CSMD3: variants seen among roughly 807,000 people sequenced by gnomAD.
The protein encoded by CSMD3 is CUB and sushi domain-containing protein 3.
CSMD3 carries 177 observed loss-of-function variants against 435.2 expected under a neutral mutation model. That is an observed-to-expected ratio of 0.41 (90% CI 0.36 to 0.46). The LOEUF (loss-of-function observed/expected upper bound fraction) is 0.46. Ranked by LOEUF, CSMD3 falls within the 20% of genes least tolerant of loss-of-function variation. The pLI is 0.34. For synonymous variants in CSMD3, 1,656 were observed against 1,520.5 expected (o/e 1.09, Z -2.07); for missense variants, 4,265 against 4,504.6 (o/e 0.95, Z 1.52).
At chr8:112,553,116 A>T (rs1586668862) in intron 25 of CSMD3, among the ~76,000 whole-genome samples, 2 of 152,184 alleles carry the variant, frequency 1.3e-5, no homozygotes, top group East Asian at 3.9e-4. Flanking sequence ...CTTTGAGAAA[A>T]ACTAATCTTT....
chr8:113,108,718 AT>A (rs2090554491), intron 4 of CSMD3, among the ~76,000 whole-genome samples: 1 of 152,308 alleles, frequency 6.6e-6, no homozygotes, highest in South Asian at 2.1e-4. Context: ...TTAAAATACC[AT>A]TTTTAATATA....
At chr8:112,360,358 C>T (rs1827067667) in intron 38 of CSMD3, among the ~76,000 whole-genome samples, 1 of 151,876 alleles carries the variant, frequency 6.6e-6, no homozygotes, top group African/African-American at 2.4e-5. Flanking sequence ...AGTGAGGTAG[C>T]TGAATACTGA....
intron 6 of CSMD3, among the ~76,000 whole-genome samples, chr8:113,013,192 A>G (rs2086322235): frequency 6.6e-6 from 1 of 152,074 alleles, no homozygotes; most frequent in Non-Finnish European, 1.5e-5. Context: ...AAACTAGCCT[A>G]TTTTAAAAAT....
chr8:113,022,083 AT>A (rs2086703497), intron 5 of CSMD3, among the ~76,000 whole-genome samples: 1 of 152,174 alleles, frequency 6.6e-6, no homozygotes, highest in African/African-American at 2.4e-5. Context: ...GGTTTGGTTT[AT>A]GGCTTATGGA....
chr8:112,738,522 AG>A (rs1440689401), intron 13 of CSMD3, among the ~76,000 whole-genome samples: 3 of 151,792 alleles, frequency 2.0e-5, no homozygotes, highest in African/African-American at 7.2e-5. Flanking sequence ...ATGTCATGCT[AG>A]GTACTTCAGA....
chr8:112,786,045 A>G lies in CSMD3; in HGVS notation c.1972+14117T>C, dbSNP rs112084803. 4.0e-3 allele frequency among the ~76,000 whole-genome samples: 614 copies of G among 152,272 alleles called. 3 individuals are homozygous for G. The highest frequency in any genetic ancestry group is 0.014 in the African/African-American group (583 of 41,576). On this transcript the variant is annotated intron_variant, in intron 13 of 70. Transcript: ENST00000297405. ...TCAAATTATACTACAGAGCTATAGT[A>G]ACCAAAACAGCATGGTAGTGGCAAT... is the stretch of plus-strand genomic sequence containing the variant.
chr8:112,630,325 A>G (rs544335318), intron 22 of CSMD3, among the ~76,000 whole-genome samples: 11 of 152,288 alleles, frequency 7.2e-5, no homozygotes, highest in African/African-American at 2.6e-4. Flanking sequence ...GCTAGGAAAA[A>G]AGAGGTAACA....
chr8:112,717,891 A>T (rs2076768504), intron 13 of CSMD3, among the ~76,000 whole-genome samples: 1 of 152,060 alleles, frequency 6.6e-6, no homozygotes, highest in Admixed American at 6.6e-5. Flanking sequence ...GGAGGGGAAT[A>T]ACACACACCA....
chr8:113,322,750 C>CT (rs1239149246), intron 1 of CSMD3, among the ~76,000 whole-genome samples: 5 of 151,678 alleles, frequency 3.3e-5, no homozygotes, highest in East Asian at 3.9e-4. Context: ...TTTATACTGG[C>CT]TTTTTTTTAT....
intron 13 of CSMD3, among the ~76,000 whole-genome samples, chr8:112,702,859 G>T (rs1235858727): frequency 2.0e-5 from 3 of 152,046 alleles, no homozygotes; most frequent in African/African-American, 7.2e-5. Context: ...CCAAGCTGTG[G>T]TTATCATTCC....
chr8:113,147,565 A>T (rs1564365510), intron 4 of CSMD3, among the ~76,000 whole-genome samples: 1 of 151,610 alleles, frequency 6.6e-6, no homozygotes, highest in African/African-American at 2.4e-5. Flanking sequence ...TTCCCAGTCC[A>T]TATTTCAAAA....
chr8:112,749,455 A>C (rs1309792456), intron 13 of CSMD3, among the ~76,000 whole-genome samples: 1 of 152,068 alleles, frequency 6.6e-6, no homozygotes, highest in Admixed American at 6.5e-5. Context: ...CTATTTAATA[A>C]ATGGTGCTAG....
chr8:112,922,667 C>A (rs1051987789), intron 9 of CSMD3, among the ~76,000 whole-genome samples: 65 of 152,066 alleles, frequency 4.3e-4, no homozygotes, highest in African/African-American at 1.3e-3. Context: ...GCATAACAAT[C>A]TCCAGTTCCA....
chr8:112,960,494 G>A (rs1242247345), intron 7 of CSMD3, among the ~76,000 whole-genome samples: 1 of 151,616 alleles, frequency 6.6e-6, no homozygotes, highest in Non-Finnish European at 1.5e-5. Flanking sequence ...TAATGTTTCT[G>A]GGTTACACAG....
chr8:112,435,616 G>A (rs76425348), intron 32 of CSMD3, among the ~76,000 whole-genome samples: 1,802 of 152,124 alleles, frequency 0.012, 31 homozygotes, highest in African/African-American at 0.041. Context: ...ACTTGGGTAT[G>A]ATGCAATAAC....
chr8:113,416,967 T>C (rs2094584517), intron 1 of CSMD3, among the ~76,000 whole-genome samples: 1 of 152,068 alleles, frequency 6.6e-6, no homozygotes, highest in African/African-American at 2.4e-5. Flanking sequence ...GTTTTAATAG[T>C]TGGCTCTTTC....
intron 32 of CSMD3, among the ~76,000 whole-genome samples, chr8:112,439,451 A>G (rs1814740338): frequency 6.6e-6 from 1 of 152,130 alleles, no homozygotes. Flanking sequence ...TAAAATAATA[A>G]TTCCATTTTG....
chr8:112,394,192 C>G (rs1830680378), intron 35 of CSMD3, among the ~76,000 whole-genome samples: 1 of 152,112 alleles, frequency 6.6e-6, no homozygotes, highest in Non-Finnish European at 1.5e-5. Flanking sequence ...TTCTTGCAGT[C>G]AAGTTTACAT....
Position 112,662,553 on chromosome 8 carries a change from C to T in CSMD3, c.2816+3724G>A, listed in dbSNP as rs912510482. ...TGGATTAAAGACTTAAATGTTAGAC[C>T]TAAAACCATAAAAACCCTAGAAGAA... On this transcript the variant is annotated intron_variant, in intron 17 of 70. Transcript: ENST00000297405. Among the ~76,000 whole-genome samples the T allele has an allele frequency of 2.2e-4, 34 of 151,988 alleles. 1 individual carries two copies. The highest frequency in any genetic ancestry group is 3.8e-4 in the Non-Finnish European group (26 of 68,006).
Sources: allele counts gnomAD v4.1 joint callset (sites outside exome capture counted in the v4.1 genomes callset), GRCh38; gene constraint gnomAD v4.1.1; transcripts MANE v1.5; gene names NCBI Gene and HGNC (gene_info 2026-07-23, HGNC 2026-07-21).